Variants in FHIP1A observed in about 807,000 individuals in gnomAD.
FHIP1A encodes FHF complex subunit HOOK interacting protein 1A, also known as FHF complex subunit HOOK-interacting protein 1A.
FHIP1A carries 61 observed loss-of-function variants against 88.6 expected under a neutral mutation model. That is an observed-to-expected ratio of 0.69 (90% CI 0.56 to 0.85). The LOEUF (loss-of-function observed/expected upper bound fraction) is 0.85, where lower values mean the gene tolerates loss of function less well. Ranked by LOEUF, FHIP1A falls within the 40% of genes least tolerant of loss-of-function variation. The pLI is 0.00. For missense variants in FHIP1A, 1,154 were observed against 1,273.5 expected (o/e 0.91, Z 1.43); for synonymous variants, 478 against 496.0 (o/e 0.96, Z 0.48).
chr4:151,530,078 A>C (rs1174722996), intron 3 of FHIP1A, among the ~76,000 whole-genome samples: 1 of 152,176 alleles, frequency 6.6e-6, no homozygotes, highest in Non-Finnish European at 1.5e-5. Flanking sequence ...CGTTTATTGA[A>C]AATAAGTCGT....
intron 3 of FHIP1A, among the ~76,000 whole-genome samples, chr4:151,540,538 C>A (rs1379683527): frequency 6.6e-6 from 1 of 152,028 alleles, no homozygotes; most frequent in Non-Finnish European, 1.5e-5. Context: ...TTAAGTGGTG[C>A]TTATTCAATA....
intron 7 of FHIP1A, among the ~76,000 whole-genome samples, chr4:151,594,208 T>C (rs953974701): frequency 7.2e-5 from 11 of 152,194 alleles, no homozygotes; most frequent in African/African-American, 2.4e-4. Flanking sequence ...TTTTCTTTTT[T>C]TGTGGTGTCT....
chr4:151,650,640 T>C (rs559470959), intron 11 of FHIP1A, 48 bp downstream of exon 11: 3 of 1,499,148 alleles, frequency 2.0e-6, no homozygotes, highest in East Asian at 2.5e-5. Context: ...AAAGTACTTG[T>C]ATATATTGGA....
At chr4:151,518,963 G>A (rs1008634702) in intron 3 of FHIP1A, among the ~76,000 whole-genome samples, 1 of 151,916 alleles carries the variant, frequency 6.6e-6, no homozygotes, top group African/African-American at 2.4e-5. Context: ...TCGAGCCACC[G>A]CACCTAGCTG....
intron 3 of FHIP1A, among the ~76,000 whole-genome samples, chr4:151,513,995 T>G (rs1418990708): frequency 6.6e-6 from 1 of 150,808 alleles, no homozygotes; most frequent in Non-Finnish European, 1.5e-5. Context: ...ATCAACAGAA[T>G]ATACATTTTT....
intron 7 of FHIP1A, among the ~76,000 whole-genome samples, chr4:151,593,264 A>G (rs1362210885): frequency 9.2e-5 from 14 of 152,200 alleles, no homozygotes. Context: ...TTGGTTCCAT[A>G]TGAAATTTAA....
intron 4 of FHIP1A, among the ~76,000 whole-genome samples, chr4:151,568,175 T>A (rs1475898315): frequency 1.3e-5 from 2 of 152,210 alleles, no homozygotes; most frequent in African/African-American, 4.8e-5. Flanking sequence ...TTCATTTCCA[T>A]AACAATACAA....
At chr4:151,661,022 C>T (rs1050087427) in intron 13 of FHIP1A, among the ~76,000 whole-genome samples, 1 of 152,114 alleles carries the variant, frequency 6.6e-6, no homozygotes, top group African/African-American at 2.4e-5. Flanking sequence ...GCCTCTAAGG[C>T]TAGTAAGATT....
chr4:151,531,758 T>C (rs780928814), intron 3 of FHIP1A, among the ~76,000 whole-genome samples: 4 of 152,226 alleles, frequency 2.6e-5, no homozygotes, highest in Non-Finnish European at 5.9e-5. Context: ...TACCTAGCAC[T>C]GGTCCTGGTA....
chr4:151,535,925 A>C (rs1306613900), intron 3 of FHIP1A, among the ~76,000 whole-genome samples: 1 of 152,184 alleles, frequency 6.6e-6, no homozygotes, highest in East Asian at 1.9e-4. Flanking sequence ...TTGTCCCTTA[A>C]TTTTCAACAC....
At chr4:151,597,198 G>A (rs1431777176) in intron 7 of FHIP1A, among the ~76,000 whole-genome samples, 1 of 152,084 alleles carries the variant, frequency 6.6e-6, no homozygotes, top group Non-Finnish European at 1.5e-5. Flanking sequence ...GGTGACCTTC[G>A]GATGGGGTTT....
chr4:151,531,701 C>T (rs1367604667), intron 3 of FHIP1A, among the ~76,000 whole-genome samples: 1 of 152,112 alleles, frequency 6.6e-6, no homozygotes, highest in Non-Finnish European at 1.5e-5. Flanking sequence ...ATCTAAGCTC[C>T]ATAAAGAGAG....
At position 151,427,422 on chromosome 4, in the gene FHIP1A, T is replaced by G. The variant is rs112489989; in HGVS notation, c.-356+17957T>G. 8.1e-3 allele frequency among the ~76,000 whole-genome samples: 1,228 copies of G among 152,238 alleles called. 15 individuals carry two copies. Among genetic ancestry groups the G allele is most frequent in the African/African-American group, 0.029 (1,190 of 41,562 alleles). Reference sequence around the variant, plus strand: ...GGAATTAGAATTTAGATAGGACATTTGTTGTTGATATATGAGACTAGTAAA... The same window carrying G: ...GGAATTAGAATTTAGATAGGACATTGGTTGTTGATATATGAGACTAGTAAA... On this transcript the variant is annotated intron_variant, in intron 1 of 13. Coordinates refer to ENST00000435205, the MANE Select transcript of FHIP1A (RefSeq NM_001109977.3).
chr4:151,649,547 G>A lies in FHIP1A; in HGVS notation c.1506G>A (p.Gln502=), dbSNP rs773209777. The A allele has an allele frequency of 6.4e-7, 1 of 1,551,722 alleles. No homozygotes were observed. The highest frequency in any genetic ancestry group is 1.2e-5 in the South Asian group (1 of 84,060). ...YGKALDISYL[Q]YLWEAHTNIL... ...AAGCCCTGGACATCAGCTACCTGCA[G>A]TACCTGTGGGAGGCCCACACCAACA... Residue 502 remains glutamine, a synonymous_variant, in exon 11 of 14, where the codon CAG becomes CAA. Coordinates refer to ENST00000435205, the MANE Select transcript of FHIP1A (RefSeq NM_001109977.3).
At chr4:151,588,603 C>G (rs768077062) in intron 6 of FHIP1A, among the ~76,000 whole-genome samples, 7 of 152,002 alleles carry the variant, frequency 4.6e-5, no homozygotes, top group Non-Finnish European at 8.8e-5. Flanking sequence ...TTTAAAATTA[C>G]CAATATTATG....
At chr4:151,470,953 C>T (rs1438180074) in intron 2 of FHIP1A, among the ~76,000 whole-genome samples, 1 of 152,112 alleles carries the variant, frequency 6.6e-6, no homozygotes, top group Non-Finnish European at 1.5e-5. Flanking sequence ...AGCTAATTGC[C>T]TACAATGCTG....
intron 3 of FHIP1A, among the ~76,000 whole-genome samples, chr4:151,563,729 C>T (rs1733263618): frequency 1.3e-5 from 2 of 152,122 alleles, no homozygotes; most frequent in African/African-American, 4.8e-5. Flanking sequence ...GTGGCTCATG[C>T]CTGTAATCCT....
Position 151,583,964 on chromosome 4 carries a change from G to A in FHIP1A, c.733-2677G>A, listed in dbSNP as rs1429156485. ...GAGATAAATGTACTGTCTTGTTTAC[G>A]GTTGTATTTTCCGTACTTAACATAG... On this transcript the variant is annotated intron_variant, in intron 5 of 13. Coordinates refer to ENST00000435205, the MANE Select transcript of FHIP1A (RefSeq NM_001109977.3). 2.6e-5 allele frequency among the ~76,000 whole-genome samples: 4 copies of A among 151,990 alleles called. No individual in the cohort carries two copies. In the East Asian group the frequency reaches 5.8e-4, roughly 22 times the overall value.
At position 151,656,604 on chromosome 4, in the gene FHIP1A, C is replaced by T. The variant is rs1191075182; in HGVS notation, c.2731-156C>T. ...AGCTTCATTTAGTTTGATGTTTTGA[C>T]GGTGCCCTACGCAGAACACCCAGGC... is the stretch of plus-strand genomic sequence containing the variant. On this transcript the variant is annotated intron_variant, in intron 12 of 13. Transcript: ENST00000435205. The surrounding 1 kb of genome is among the most constrained non-coding windows in gnomAD (Gnocchi z 4.2). Among the ~76,000 whole-genome samples the T allele has an allele frequency of 6.6e-6, 1 of 152,134 alleles. No individual in the cohort carries two copies. The highest frequency in any genetic ancestry group is 2.4e-5 in the African/African-American group (1 of 41,420).
Sources: allele counts gnomAD v4.1 joint callset (sites outside exome capture counted in the v4.1 genomes callset), GRCh38; gene constraint gnomAD v4.1.1; non-coding constraint Gnocchi (gnomAD v3.1); transcripts MANE v1.5; gene names NCBI Gene and HGNC (gene_info 2026-07-23, HGNC 2026-07-21).